The following ADAMTSL3 variants were observed in gnomAD, a reference collection of about 807,000 sequenced individuals.
ADAMTSL3 encodes ADAMTS-like protein 3.
ADAMTSL3 carries 128 observed loss-of-function variants against 201.7 expected under a neutral mutation model. The ratio of observed to expected loss-of-function variants is 0.63; its 90% CI spans 0.55 to 0.73. ADAMTSL3 has a LOEUF of 0.73. Ranked by LOEUF, ADAMTSL3 falls within the 30% of genes least tolerant of loss-of-function variation. ADAMTSL3 has a pLI of 0.00. For missense variants in ADAMTSL3, 1,990 were observed against 2,119.6 expected (o/e 0.94, Z 1.20); for synonymous variants, 738 against 748.4 (o/e 0.99, Z 0.23).
At chr15:83,716,628 TG>T (rs1430984994) in intron 3 of ADAMTSL3, among the ~76,000 whole-genome samples, 14 of 151,628 alleles carry the variant, frequency 9.2e-5, no homozygotes, top group African/African-American at 3.1e-4. Context: ...GTGTGTGTTG[TG>T]TGTGTGTGTG....
intron 19 of ADAMTSL3, among the ~76,000 whole-genome samples, chr15:83,963,528 T>C (rs1567267527): frequency 6.6e-6 from 1 of 151,988 alleles, no homozygotes; most frequent in Non-Finnish European, 1.5e-5. Flanking sequence ...TAGATAAAAC[T>C]CCCATCTCCC....
intron 3 of ADAMTSL3, chr15:83,740,096 G>C: frequency 3.5e-6 from 1 of 289,382 alleles, no homozygotes; most frequent in Non-Finnish European, 7.4e-6. Context: ...TAACTGTGCC[G>C]GTGGCCACTT....
rs2065667430 is a variant in ADAMTSL3, at chr15:83,898,788, G to A, written c.1615+783G>A. Among the ~76,000 whole-genome samples the A allele has an allele frequency of 1.3e-5, 2 of 152,168 alleles. 1 individual carries two copies. On this transcript the variant is annotated intron_variant, in intron 14 of 29. Transcript: ENST00000286744. ...TATTAGTAAGAAGGACTCCTCCTTA[G>A]TACTTGAGAGAGGATGGTAAAACTC...
intron 3 of ADAMTSL3, among the ~76,000 whole-genome samples, chr15:83,718,690 CAAA>C (rs35735223): frequency 3.4e-5 from 3 of 87,214 alleles, no homozygotes; most frequent in African/African-American, 5.3e-5. Context: ...GACTCCGTCT[CAAA>C]AAAAAAAAAA....
chr15:83,706,447 C>T (rs1272027588), intron 3 of ADAMTSL3, among the ~76,000 whole-genome samples: 2 of 152,098 alleles, frequency 1.3e-5, no homozygotes, highest in Admixed American at 6.5e-5. Context: ...GTTGCCCCCA[C>T]TGTGTATTTC....
rs536965109 is a variant in ADAMTSL3, at chr15:83,753,145, T to G, written c.190-20378T>G. ...ACCTGCAAAACCCTGGCTACCTTTC[T>G]GAAGACTTGATGGTCTGAATGGTTA... On this transcript the variant is annotated intron_variant, in intron 3 of 29. Transcript: ENST00000286744. Among the ~76,000 whole-genome samples, 40 of 152,350 alleles carry G rather than the reference T, an allele frequency of 2.6e-4. No individual in the cohort carries two copies. In the South Asian group the frequency reaches 7.7e-3, roughly 29 times the overall value.
At chr15:83,914,885 T>C (rs1483793781) in intron 16 of ADAMTSL3, among the ~76,000 whole-genome samples, 1 of 152,164 alleles carries the variant, frequency 6.6e-6, no homozygotes, top group Non-Finnish European at 1.5e-5. Context: ...TTTTTGTTTT[T>C]TGTGGGTTTT....
chr15:83,801,899 A>G (rs986140059), intron 4 of ADAMTSL3, among the ~76,000 whole-genome samples: 29 of 151,430 alleles, frequency 1.9e-4, no homozygotes, highest in African/African-American at 7.0e-4. Context: ...CTGATGAAAC[A>G]CACGACTGGA....
chr15:83,688,965 C>T (rs1219524628), intron 2 of ADAMTSL3, among the ~76,000 whole-genome samples: 1 of 152,028 alleles, frequency 6.6e-6, no homozygotes, highest in Non-Finnish European at 1.5e-5. Context: ...TGTGCCACCA[C>T]AGCAGGCTAA....
At chr15:83,865,309 A>G (rs949282777) in intron 8 of ADAMTSL3, among the ~76,000 whole-genome samples, 3 of 152,236 alleles carry the variant, frequency 2.0e-5, no homozygotes, top group South Asian at 2.1e-4. Context: ...TGCCAAGTCA[A>G]TCGTAACCCA....
intron 25 of ADAMTSL3, among the ~76,000 whole-genome samples, chr15:84,018,902 ACCGC>A (rs1001415504): frequency 1.3e-5 from 2 of 152,184 alleles, no homozygotes; most frequent in Non-Finnish European, 2.9e-5. Flanking sequence ...AATTGGACTG[ACCGC>A]ATCAAAATTT....
intron 3 of ADAMTSL3, among the ~76,000 whole-genome samples, chr15:83,758,715 A>G (rs1367546163): frequency 5.9e-5 from 9 of 152,156 alleles, no homozygotes; most frequent in Non-Finnish European, 1.3e-4. Context: ...CTTTGGATAA[A>G]TATCTATTCA....
At position 84,037,568 on chromosome 15, in the gene ADAMTSL3, A is replaced by G. The variant is rs369804823; in HGVS notation, c.4970-132A>G. 16 of 988,718 alleles carry G rather than the reference A, an allele frequency of 1.6e-5. No homozygotes were observed. In the African/African-American group the frequency reaches 2.6e-4, roughly 16 times the overall value. 61.2% of individuals were successfully genotyped at this position (988,718 alleles called of 1,614,324 possible). On this transcript the variant is annotated intron_variant, in intron 29 of 29. Coordinates refer to ENST00000286744, the MANE Select transcript of ADAMTSL3 (RefSeq NM_207517.3). Reference sequence around the variant, plus strand: ...GCACTTCTGACTCTCATGCAAAACAATGGCCCTAACCCAAAGCTGGTTTCT... The same window carrying G: ...GCACTTCTGACTCTCATGCAAAACAGTGGCCCTAACCCAAAGCTGGTTTCT...
intron 4 of ADAMTSL3, among the ~76,000 whole-genome samples, chr15:83,798,917 G>A (rs764074260): frequency 4.6e-5 from 7 of 151,492 alleles, no homozygotes; most frequent in South Asian, 2.1e-4. Flanking sequence ...AGATTATTTC[G>A]GAAGCATGGT....
intron 4 of ADAMTSL3, among the ~76,000 whole-genome samples, chr15:83,801,679 T>TAAATATAA (rs2063526299): frequency 4.8e-5 from 3 of 62,948 alleles, no homozygotes; most frequent in Non-Finnish European, 1.1e-4. Flanking sequence ...TATATATATA[T>TAAATATAA]ATATATATAT....
intron 12 of ADAMTSL3, among the ~76,000 whole-genome samples, chr15:83,892,116 T>G (rs2065511788): frequency 6.6e-6 from 1 of 151,946 alleles, no homozygotes; most frequent in South Asian, 2.1e-4. Context: ...CTTGAGAGGC[T>G]GAAGCAGGAG....
chr15:83,777,375 C>T (rs868519627), intron 4 of ADAMTSL3, among the ~76,000 whole-genome samples: 4 of 152,144 alleles, frequency 2.6e-5, no homozygotes, highest in Admixed American at 6.5e-5. Flanking sequence ...GTGTAATGAC[C>T]GGCAGTCCAA....
At chr15:83,952,038 T>C (rs1305886336) in intron 19 of ADAMTSL3, among the ~76,000 whole-genome samples, 1 of 152,126 alleles carries the variant, frequency 6.6e-6, no homozygotes, top group East Asian at 1.9e-4. Context: ...AGCTAAGATG[T>C]ATTGTTAGGT....
At chr15:83,757,993 G>C (rs1222500759) in intron 3 of ADAMTSL3, among the ~76,000 whole-genome samples, 1 of 152,026 alleles carries the variant, frequency 6.6e-6, no homozygotes, top group Non-Finnish European at 1.5e-5. Context: ...TATCATTATC[G>C]GCATTTTGGT....
Sources: allele counts gnomAD v4.1 joint callset (sites outside exome capture counted in the v4.1 genomes callset), GRCh38; gene constraint gnomAD v4.1.1; transcripts MANE v1.5; gene names NCBI Gene and HGNC (gene_info 2026-07-23, HGNC 2026-07-21).